The following RANBP2 variants were observed in gnomAD, a reference collection of about 807,000 sequenced individuals.
The protein encoded by RANBP2 is RAN binding protein 2, also known as E3 SUMO-protein ligase RanBP2.
In RANBP2, 57 loss-of-function variants were observed where a neutral mutation model predicts 303.6. The ratio of observed to expected loss-of-function variants is 0.19; its 90% CI spans 0.15 to 0.23. The LOEUF is 0.23. Ranked by LOEUF, RANBP2 falls within the 10% of genes least tolerant of loss-of-function variation. RANBP2 has a pLI of 1.00. For missense variants in RANBP2, 3,138 were observed against 3,780.8 expected, an observed-to-expected ratio of 0.83 and a Z score of 4.46; for synonymous variants, 1,167 against 1,301.5, an observed-to-expected ratio of 0.90 and a Z score of 2.23.
chr2:109,537,091 T>C, the RANBP2 span, among the ~76,000 whole-genome samples: 3 of 152,316 alleles, frequency 2.0e-5, no homozygotes, highest in Non-Finnish European at 4.4e-5. Context: ...ATGCTGAATG[T>C]AAGGGGATAA....
chr2:109,672,747 T>G, the RANBP2 span, among the ~76,000 whole-genome samples: 1 of 152,216 alleles, frequency 6.6e-6, no homozygotes, highest in African/African-American at 2.4e-5. Context: ...ATTTTAAGGT[T>G]ATGACATGTA....
the RANBP2 span, among the ~76,000 whole-genome samples, chr2:109,766,712 G>A: frequency 1.4e-5 from 2 of 144,222 alleles, no homozygotes; most frequent in African/African-American, 2.6e-5. Flanking sequence ...GGCAAATTAA[G>A]AAAAAAAACC....
the RANBP2 span, among the ~76,000 whole-genome samples, chr2:109,080,919 C>T: frequency 6.6e-6 from 1 of 152,196 alleles, no homozygotes; most frequent in African/African-American, 2.4e-5. Flanking sequence ...GTTCACAAAA[C>T]CTCCAGGAGG....
At chr2:109,232,550 T>A in the RANBP2 span, among the ~76,000 whole-genome samples, 1 of 152,192 alleles carries the variant, frequency 6.6e-6, no homozygotes, top group African/African-American at 2.4e-5. Context: ...TAATGTTCAA[T>A]AAGCGTGGAC....
the RANBP2 span, among the ~76,000 whole-genome samples, chr2:109,421,962 C>A: frequency 6.6e-6 from 1 of 152,208 alleles, no homozygotes; most frequent in South Asian, 2.1e-4. Context: ...ATTTTATCCC[C>A]AGAGAGGAAA....
At chr2:109,615,522 C>G in the RANBP2 span, 1 of 1,613,938 alleles carries the variant, frequency 6.2e-7, no homozygotes, top group Non-Finnish European at 8.5e-7. Flanking sequence ...TTACACCGCC[C>G]TGCACTTGGC....
chr2:109,726,061 GTGTGTGTGTGTGTGTGTGT>G, the RANBP2 span, among the ~76,000 whole-genome samples: 2 of 122,734 alleles, frequency 1.6e-5, no homozygotes, highest in East Asian at 4.3e-4. Context: ...TGCTTTTGGT[GTGTGTGTGTGTGTGTGTGT>G]GTGTGTGTGT....
At chr2:109,442,797 C>T in the RANBP2 span, among the ~76,000 whole-genome samples, 1 of 152,066 alleles carries the variant, frequency 6.6e-6, no homozygotes, top group Admixed American at 6.5e-5. Flanking sequence ...GGAAAAGAAA[C>T]AATACATGGG....
At chr2:109,687,404 C>G in the RANBP2 span, among the ~76,000 whole-genome samples, 13 of 152,208 alleles carry the variant, frequency 8.5e-5, no homozygotes, top group Non-Finnish European at 1.8e-4. Flanking sequence ...TTTTCCCTGC[C>G]CCATCCCTAG....
At position 108,725,655 on chromosome 2, in the gene RANBP2, C is replaced by T. The variant is rs1350021139; in HGVS notation, c.73-3477C>T. Among the ~76,000 whole-genome samples, 7 of 151,668 alleles carry T rather than the reference C, an allele frequency of 4.6e-5. No individual in the cohort carries two copies. The East Asian group carries it at 5.9e-4, about 13-fold the overall frequency. ...TGCGCCTGTAGTCCCAGCTTGTACC[C>T]GGGAGGCAGAGGTTGCAGTGAGCTG... On this transcript the variant is annotated intron_variant, in intron 1 of 28. Transcript: ENST00000283195.
chr2:109,174,243 T>C, the RANBP2 span, among the ~76,000 whole-genome samples: 1 of 152,250 alleles, frequency 6.6e-6, no homozygotes, highest in Admixed American at 6.5e-5. Context: ...ATCACAGTTT[T>C]ATCTATGACT....
chr2:108,730,866 A>G lies in RANBP2; in HGVS notation c.233A>G (p.Lys78Arg). The part of the protein sequence containing the change: ...LLYELEENTD[K>R]AVECYRRSVE... ...TATGAATTGGAAGAAAACACAGACAAAGCCGTTGAATGTTACAGGGTAAGT... is the reference window on the plus strand; with the variant it reads ...TATGAATTGGAAGAAAACACAGACAGAGCCGTTGAATGTTACAGGGTAAGT... The change falls in exon 3 of 29, where the codon AAA becomes AGA. Residue 78 changes from lysine (K) to arginine (R), a missense_variant. This residue lies in a region of RANBP2 where 306 missense variants were observed against 381.9 expected (regional missense o/e 0.80). Transcript: ENST00000283195. The G allele has an allele frequency of 1.2e-6, 2 of 1,611,712 alleles. No individual in the cohort carries two copies. Among genetic ancestry groups the G allele is most frequent in the South Asian group, 1.1e-5 (1 of 90,986 alleles).
intron 8 of RANBP2, among the ~76,000 whole-genome samples, chr2:108,748,276 C>T (rs545516777): frequency 1.3e-5 from 2 of 150,994 alleles, no homozygotes; most frequent in East Asian, 3.9e-4. Flanking sequence ...GGCGTGATCT[C>T]GGCTCACTGC....
chr2:109,248,646 A>G, the RANBP2 span, among the ~76,000 whole-genome samples: 1 of 152,234 alleles, frequency 6.6e-6, no homozygotes, highest in African/African-American at 2.4e-5. Context: ...GTGCAAGCAA[A>G]TAATTAGTAC....
chr2:109,655,558 C>T, the RANBP2 span, among the ~76,000 whole-genome samples: 3 of 152,180 alleles, frequency 2.0e-5, no homozygotes, highest in African/African-American at 4.8e-5. Context: ...AGGCCTCCAT[C>T]GAGGGTCAGC....
At chr2:109,620,674 C>T in the RANBP2 span, among the ~76,000 whole-genome samples, 1 of 152,082 alleles carries the variant, frequency 6.6e-6, no homozygotes, top group Admixed American at 6.6e-5. Context: ...TGCACTCCAG[C>T]CTGGGCATCA....
At chr2:108,853,873 T>TGCAATATATA in the RANBP2 span, among the ~76,000 whole-genome samples, 1 of 125,464 alleles carries the variant, frequency 8.0e-6, no homozygotes, top group East Asian at 2.0e-4. Flanking sequence ...ATATATATAC[T>TGCAATATATA]ATATAATATA....
chr2:109,188,021 G>A, the RANBP2 span, among the ~76,000 whole-genome samples: 1 of 152,228 alleles, frequency 6.6e-6, no homozygotes, highest in East Asian at 1.9e-4. Flanking sequence ...CATCTCACCT[G>A]CTTGGGTGGA....
chr2:108,851,177 G>A, the RANBP2 span, among the ~76,000 whole-genome samples: 1 of 152,202 alleles, frequency 6.6e-6, no homozygotes, highest in Non-Finnish European at 1.5e-5. Context: ...ACAGAGCAAG[G>A]TATAGGGGAA....
Sources: allele counts gnomAD v4.1 joint callset (sites outside exome capture counted in the v4.1 genomes callset), GRCh38; gene constraint gnomAD v4.1.1; regional missense constraint gnomAD v4.1.1; transcripts MANE v1.5; gene names NCBI Gene and HGNC (gene_info 2026-07-23, HGNC 2026-07-21).